GALNT7: variants seen among roughly 807,000 people sequenced by gnomAD.
The protein encoded by GALNT7 is polypeptide N-acetylgalactosaminyltransferase 7.
A neutral mutation model predicts 82.1 loss-of-function variants in GALNT7; 60 were observed. That is an observed-to-expected ratio of 0.73 (90% CI 0.59 to 0.91). The LOEUF is 0.91. Among genes scored for constraint, GALNT7 ranks in the 40% least tolerant of loss-of-function variants. The probability of loss-of-function intolerance (pLI) is 0.00; values close to 1 mark genes in which losing one functional copy is unlikely to be tolerated. For synonymous variants in GALNT7, 243 were observed against 275.1 expected, an observed-to-expected ratio of 0.88 and a Z score of 1.15; for missense variants, 660 against 804.2, an observed-to-expected ratio of 0.82 and a Z score of 2.17.
intron 8 of GALNT7, among the ~76,000 whole-genome samples, chr4:173,307,750 T>TGCA (rs1392339655): frequency 6.6e-6 from 1 of 152,166 alleles, no homozygotes; most frequent in African/African-American, 2.4e-5. Context: ...GCAGGCCCAG[T>TGCA]GCAGCCACAG....
intron 1 of GALNT7, among the ~76,000 whole-genome samples, chr4:173,215,281 A>C (rs1329639114): frequency 1.4e-5 from 2 of 145,212 alleles, no homozygotes; most frequent in Non-Finnish European, 3.0e-5. Context: ...CCCAGGCTGG[A>C]GAGCAGTGGT....
At chr4:173,247,858 T>G (rs1734698988) in intron 1 of GALNT7, 122 bp from the exon 2 acceptor site, 5 of 614,818 alleles carry the variant, frequency 8.1e-6, no homozygotes, top group Non-Finnish European at 1.4e-5. Flanking sequence ...ATGGCCCGCT[T>G]GTATTCCAAA....
rs116231522 is a variant in GALNT7 at position 173,182,414 on chromosome 4, A to G, written c.126+13453A>G. Among the ~76,000 whole-genome samples, 533 of 152,270 alleles carry G rather than the reference A, an allele frequency of 3.5e-3. 1 individual carries two copies. The highest frequency in any genetic ancestry group is 6.2e-3 in the Non-Finnish European group (425 of 68,010). On this transcript the variant is annotated intron_variant, in intron 1 of 11. Transcript: ENST00000265000. ...CCTTTAATTCTTTTTAAAAATAACT[A>G]CAATCTATTTTTTTCTCCCTTGGAA...
intron 2 of GALNT7, among the ~76,000 whole-genome samples, chr4:173,274,903 C>T (rs540465944): frequency 6.6e-6 from 1 of 152,290 alleles, no homozygotes; most frequent in African/African-American, 2.4e-5. Flanking sequence ...GCTCATGTGC[C>T]TTCTCTGTGG....
intron 1 of GALNT7, among the ~76,000 whole-genome samples, chr4:173,216,727 A>ATATATATATATATATATATATATAT (rs71244915): frequency 7.7e-5 from 1 of 12,974 alleles, no homozygotes; most frequent in East Asian, 2.1e-3. Context: ...ATATATATAT[A>ATATATATATATATATATATATATAT]TTTTTTTTTT....
At chr4:173,183,446 A>G (rs1173143766) in intron 1 of GALNT7, among the ~76,000 whole-genome samples, 2 of 151,960 alleles carry the variant, frequency 1.3e-5, no homozygotes, top group Admixed American at 1.3e-4. Flanking sequence ...CTGTCAAAGG[A>G]CTGCAAATTT....
At position 173,237,760 on chromosome 4, in the gene GALNT7, A is replaced by T. The variant is rs1289219484; in HGVS notation, c.127-10220A>T. Among the ~76,000 whole-genome samples the T allele has an allele frequency of 4.0e-3, 199 of 49,346 alleles. 4 individuals are homozygous for T. The highest frequency in any genetic ancestry group is 7.0e-4 in the Non-Finnish European group (12 of 17,142). 32.4% of individuals were successfully genotyped at this position (49,346 alleles called of 152,430 possible). A position where few individuals can be genotyped will look rare whatever the true frequency, so the allele number is the denominator to read the frequency against. On this transcript the variant is annotated intron_variant, in intron 1 of 11. Coordinates refer to ENST00000265000, the MANE Select transcript of GALNT7 (RefSeq NM_017423.3). ...GCCTAAATAAGTACTTCCCTGGATTAAAAAAAAAAAAAAAGTGTTAACAGT... is the reference window on the plus strand; with the variant it reads ...GCCTAAATAAGTACTTCCCTGGATTTAAAAAAAAAAAAAAGTGTTAACAGT...
At chr4:173,297,712 C>T (rs1188831949) in intron 5 of GALNT7, 4 of 595,270 alleles carry the variant, frequency 6.7e-6, no homozygotes, top group Non-Finnish European at 1.0e-5. Flanking sequence ...AACAAATCAA[C>T]AACAAAAAGA....
chr4:173,174,577 G>C (rs1731976450), intron 1 of GALNT7, among the ~76,000 whole-genome samples: 1 of 152,162 alleles, frequency 6.6e-6, no homozygotes, highest in Non-Finnish European at 1.5e-5. Context: ...TCTATGTGAG[G>C]TCAGGCATCA....
intron 5 of GALNT7, among the ~76,000 whole-genome samples, chr4:173,297,284 G>C (rs766910028): frequency 6.7e-6 from 1 of 149,480 alleles, no homozygotes; most frequent in Non-Finnish European, 1.5e-5. Context: ...TCTGCAGTTA[G>C]AGGAGTGAGG....
intron 2 of GALNT7, among the ~76,000 whole-genome samples, chr4:173,251,988 C>A (rs1301818507): frequency 6.6e-6 from 1 of 152,138 alleles, no homozygotes; most frequent in Non-Finnish European, 1.5e-5. Context: ...AGATAGGCTT[C>A]ATTCCTTTTT....
intron 1 of GALNT7, among the ~76,000 whole-genome samples, chr4:173,217,170 C>T (rs972460333): frequency 6.6e-6 from 1 of 152,014 alleles, no homozygotes; most frequent in Non-Finnish European, 1.5e-5. Flanking sequence ...GCCCAGTTAA[C>T]CAGAGAATGG....
chr4:173,270,284 A>G (rs985920449), intron 2 of GALNT7, among the ~76,000 whole-genome samples: 4 of 152,216 alleles, frequency 2.6e-5, no homozygotes, highest in Middle Eastern at 3.2e-3. Flanking sequence ...GCAGATTGAC[A>G]TCAGCTTCAG....
chr4:173,183,123 A>G (rs1732322575), intron 1 of GALNT7, among the ~76,000 whole-genome samples: 1 of 151,444 alleles, frequency 6.6e-6, no homozygotes, highest in Non-Finnish European at 1.5e-5. Flanking sequence ...ATACTTTTTA[A>G]TTAAAGGTAA....
intron 1 of GALNT7, among the ~76,000 whole-genome samples, chr4:173,238,756 A>T (rs1023909105): frequency 6.6e-6 from 1 of 152,220 alleles, no homozygotes; most frequent in South Asian, 2.1e-4. Flanking sequence ...GAGCCAAAGC[A>T]TGAATTTTTA....
chr4:173,254,979 C>T (rs116234751), intron 2 of GALNT7, among the ~76,000 whole-genome samples: 205 of 152,312 alleles, frequency 1.3e-3, no homozygotes, highest in African/African-American at 4.6e-3. Flanking sequence ...AACATATACA[C>T]ATTGCATGTT....
At chr4:173,220,399 A>G (rs949108379) in intron 1 of GALNT7, among the ~76,000 whole-genome samples, 22 of 152,200 alleles carry the variant, frequency 1.4e-4, no homozygotes, top group Admixed American at 2.6e-4. Flanking sequence ...CTGTGATCTC[A>G]TGGTATAGTT....
intron 1 of GALNT7, among the ~76,000 whole-genome samples, chr4:173,182,225 T>G (rs1209755951): frequency 1.3e-5 from 2 of 152,238 alleles, no homozygotes; most frequent in Non-Finnish European, 2.9e-5. Context: ...ATTCTGCATT[T>G]ATAAATGCAG....
intron 1 of GALNT7, among the ~76,000 whole-genome samples, chr4:173,186,248 A>G (rs1732457289): frequency 6.6e-6 from 1 of 152,260 alleles, no homozygotes; most frequent in South Asian, 2.1e-4. Context: ...TGTGAAACAT[A>G]TAGCTCCCCA....
Sources: allele counts gnomAD v4.1 joint callset (sites outside exome capture counted in the v4.1 genomes callset), GRCh38; gene constraint gnomAD v4.1.1; transcripts MANE v1.5; gene names NCBI Gene and HGNC (gene_info 2026-07-23, HGNC 2026-07-21).